The following PPARGC1A variants were observed in gnomAD, a reference collection of about 807,000 sequenced individuals.
The protein encoded by PPARGC1A is PPARG coactivator 1 alpha.
Under a neutral mutation model 88.7 loss-of-function variants are expected in PPARGC1A, and 25 were observed. The ratio of observed to expected loss-of-function variants is 0.28; its 90% CI spans 0.21 to 0.39. The LOEUF is 0.39. Ranked by LOEUF, PPARGC1A falls within the 10% of genes least tolerant of loss-of-function variation. PPARGC1A has a pLI of 1.00. For missense variants in PPARGC1A, 880 were observed against 968.7 expected, an observed-to-expected ratio of 0.91 and a Z score of 1.22; for synonymous variants, 363 against 355.6, an observed-to-expected ratio of 1.02 and a Z score of -0.24.
chr4:24,220,238 G>A, the PPARGC1A span, among the ~76,000 whole-genome samples: 5 of 152,218 alleles, frequency 3.3e-5, no homozygotes, highest in Admixed American at 2.0e-4. Context: ...TGTTGGCGAG[G>A]TTGCAGAGAA....
chr4:23,811,522 C>T (rs1185843396), intron 10 of PPARGC1A, among the ~76,000 whole-genome samples: 2 of 152,132 alleles, frequency 1.3e-5, no homozygotes, highest in Non-Finnish European at 2.9e-5. Flanking sequence ...TGAGGGGGCT[C>T]AATGGGAAAG....
chr4:24,259,811 AAATG>A, the PPARGC1A span, among the ~76,000 whole-genome samples: 1 of 152,214 alleles, frequency 6.6e-6, no homozygotes, highest in South Asian at 2.1e-4. Context: ...AATTACTAAT[AAATG>A]AATTTCAATA....
At chr4:23,824,608 A>C in intron 5 of PPARGC1A, 100 bp from the exon 6 acceptor site, 20 of 1,034,770 alleles carry the variant, frequency 1.9e-5, no homozygotes, top group Middle Eastern at 3.0e-4. Flanking sequence ...CAGAAAACTC[A>C]AAGACTAAAC....
At chr4:24,376,154 T>C in the PPARGC1A span, among the ~76,000 whole-genome samples, 27,375 of 152,214 alleles carry the variant, frequency 0.18, 2,494 homozygotes, top group South Asian at 0.23. Context: ...ATCAACATCA[T>C]TAAGGAACTT....
At chr4:24,469,920 C>A in the PPARGC1A span, among the ~76,000 whole-genome samples, 19 of 152,168 alleles carry the variant, frequency 1.2e-4, no homozygotes, top group Non-Finnish European at 2.4e-4. Flanking sequence ...TGAAATCCAG[C>A]CGCAGCCCTT....
chr4:24,314,311 G>T, the PPARGC1A span, among the ~76,000 whole-genome samples: 46 of 152,272 alleles, frequency 3.0e-4, no homozygotes, highest in Middle Eastern at 3.4e-3. Flanking sequence ...ATTGAGAAGT[G>T]GAACCTTTTG....
chr4:24,364,866 T>G, the PPARGC1A span, among the ~76,000 whole-genome samples: 1 of 152,194 alleles, frequency 6.6e-6, no homozygotes, highest in African/African-American at 2.4e-5. Flanking sequence ...TGATAGCTAC[T>G]ATTACTATCA....
At chr4:24,366,298 G>A in the PPARGC1A span, among the ~76,000 whole-genome samples, 2 of 152,112 alleles carry the variant, frequency 1.3e-5, no homozygotes, top group Non-Finnish European at 2.9e-5. Context: ...TCTTTAATGA[G>A]AAAAGAAGTC....
the PPARGC1A span, among the ~76,000 whole-genome samples, chr4:24,051,642 G>A: frequency 1.3e-5 from 2 of 152,208 alleles, no homozygotes; most frequent in African/African-American, 2.4e-5. Flanking sequence ...CACTGAAAAT[G>A]TAGAAGAACT....
At chr4:23,813,307 A>T (rs1321153222) in intron 8 of PPARGC1A, among the ~76,000 whole-genome samples, 182 bp from the exon 9 acceptor site, 1 of 152,110 alleles carries the variant, frequency 6.6e-6, no homozygotes, top group Non-Finnish European at 1.5e-5. Context: ...GCTGGGAGTG[A>T]TGTGCTCTCT....
the PPARGC1A span, among the ~76,000 whole-genome samples, chr4:24,339,805 C>T: frequency 1.3e-5 from 2 of 152,192 alleles, no homozygotes; most frequent in African/African-American, 4.8e-5. Context: ...GTGGTGCGAT[C>T]TCGGCTCACT....
the PPARGC1A span, among the ~76,000 whole-genome samples, chr4:24,309,366 G>A: frequency 6.6e-6 from 1 of 152,188 alleles, no homozygotes; most frequent in South Asian, 2.1e-4. Flanking sequence ...GTAAAATCCT[G>A]GAAGTGAGAA....
chr4:24,033,085 C>T, the PPARGC1A span, among the ~76,000 whole-genome samples: 20,948 of 152,086 alleles, frequency 0.14, 1,685 homozygotes, highest in South Asian at 0.21. Flanking sequence ...TGAATATACA[C>T]ATGATTCCAA....
chr4:24,175,351 T>TG, the PPARGC1A span, among the ~76,000 whole-genome samples: 2 of 150,232 alleles, frequency 1.3e-5, no homozygotes, highest in East Asian at 2.0e-4. Flanking sequence ...GGCGGGTTTT[T>TG]GTTTTTTTTT....
the PPARGC1A span, among the ~76,000 whole-genome samples, chr4:24,284,819 G>C: frequency 6.6e-6 from 1 of 152,296 alleles, no homozygotes; most frequent in Non-Finnish European, 1.5e-5. Flanking sequence ...ATGAGGTCAG[G>C]AGTTGGAGAC....
At chr4:24,017,090 G>C in the PPARGC1A span, among the ~76,000 whole-genome samples, 1 of 152,182 alleles carries the variant, frequency 6.6e-6, no homozygotes, top group Admixed American at 6.6e-5. Context: ...ATGTATTGGA[G>C]AGCGTGGGCA....
chr4:24,311,266 A>AT, the PPARGC1A span, among the ~76,000 whole-genome samples: 282 of 147,638 alleles, frequency 1.9e-3, no homozygotes, highest in African/African-American at 6.5e-3. Context: ...CGCCCGGCTA[A>AT]TTTTTTTTGT....
chr4:24,038,694 T>C, the PPARGC1A span, among the ~76,000 whole-genome samples: 1 of 152,108 alleles, frequency 6.6e-6, no homozygotes, highest in African/African-American at 2.4e-5. Flanking sequence ...ATTTTTCCTT[T>C]CAGTTCTTTT....
chr4:24,056,738 C>T, the PPARGC1A span, among the ~76,000 whole-genome samples: 2 of 151,944 alleles, frequency 1.3e-5, no homozygotes, highest in Admixed American at 6.5e-5. Flanking sequence ...AGGCATATAG[C>T]GTACTTATCA....
Sources: gnomAD v4.1 joint callset for allele counts (sites outside exome capture counted in the v4.1 genomes callset) on GRCh38, gnomAD v4.1.1 for gene constraint, MANE v1.5 for transcripts, NCBI Gene and HGNC (gene_info 2026-07-23, HGNC 2026-07-21) for gene names.